The following C2CD3 variants were observed in gnomAD, a reference collection of about 807,000 sequenced individuals.
The protein encoded by C2CD3 is C2 domain-containing protein 3.
Under a neutral mutation model 234.0 loss-of-function variants are expected in C2CD3, and 148 were observed. That is an observed-to-expected ratio of 0.63 (90% CI 0.55 to 0.72). The LOEUF (loss-of-function observed/expected upper bound fraction) is 0.72, where lower values mean the gene tolerates loss of function less well. C2CD3 is among the 30% of genes least tolerant of loss of function. The pLI, the probability that C2CD3 is intolerant of heterozygous loss-of-function variation, is 0.00. For missense variants in C2CD3, 2,577 were observed against 2,811.5 expected, an observed-to-expected ratio of 0.92 and a Z score of 1.89; for synonymous variants, 1,000 against 1,035.4, an observed-to-expected ratio of 0.97 and a Z score of 0.66.
At chr11:74,122,588 A>C (rs1284804066) in intron 8 of C2CD3, among the ~76,000 whole-genome samples, 2 of 152,220 alleles carry the variant, frequency 1.3e-5, no homozygotes, top group Non-Finnish European at 2.9e-5. Context: ...TACAGGCCAG[A>C]AGAGTTTTGT....
At chr11:74,032,665 A>C (rs1952570531) in intron 31 of C2CD3, among the ~76,000 whole-genome samples, 2 of 152,002 alleles carry the variant, frequency 1.3e-5, no homozygotes, top group Admixed American at 6.6e-5. Context: ...TGAGGCCAGG[A>C]GTTTGAGACC....
chr11:74,078,078 C>T, intron 23 of C2CD3, 37 bp downstream of exon 23: 1 of 1,585,512 alleles, frequency 6.3e-7, no homozygotes, highest in Non-Finnish European at 8.6e-7. Context: ...AGAGCAGGTG[C>T]TCAAACTACA....
intron 32 of C2CD3, 103 bp downstream of exon 32, chr11:74,028,184 G>T: frequency 1.2e-6 from 1 of 815,692 alleles, no homozygotes; most frequent in Non-Finnish European, 1.9e-6. Context: ...CCCTGCTGCA[G>T]CCTTTCCAGG....
intron 11 of C2CD3, among the ~76,000 whole-genome samples, chr11:74,111,426 C>T (rs747466352): frequency 2.6e-5 from 4 of 151,976 alleles, no homozygotes; most frequent in African/African-American, 9.7e-5. Flanking sequence ...ATTTCAAGCA[C>T]AAAATTATTA....
intron 21 of C2CD3, 135 bp downstream of exon 21, chr11:74,085,483 A>C: frequency 1.2e-6 from 1 of 851,788 alleles, no homozygotes; most frequent in South Asian, 1.8e-5. Context: ...TTTTTGCTAT[A>C]TCTTTCAGAA....
chr11:74,076,660 T>C (rs1363522626), intron 23 of C2CD3, among the ~76,000 whole-genome samples: 1 of 152,214 alleles, frequency 6.6e-6, no homozygotes, highest in Non-Finnish European at 1.5e-5. Flanking sequence ...TCCCAATCTA[T>C]GTATCCTAAC....
In C2CD3 at chr11:74,170,796, G is replaced by A. The variant is rs1046425643; in HGVS notation, c.-4C>T. ...CTTGGCCTTTTCGTTGTTTCATGAT[G>A]AGCCCGAGCTCTTCTTCACCAGCTC... is the stretch of plus-strand genomic sequence containing the variant. On this transcript the variant is annotated 5_prime_UTR_variant, in exon 1 of 33. Transcript: ENST00000334126. The A allele has an allele frequency of 9.9e-6, 16 of 1,614,128 alleles. No individual in the cohort carries two copies. The highest frequency in any genetic ancestry group is 1.4e-5 in the Non-Finnish European group (16 of 1,180,012).
intron 7 of C2CD3, chr11:74,128,865 A>AT (rs1466402657): frequency 3.8e-6 from 1 of 263,484 alleles, no homozygotes; most frequent in African/African-American, 2.3e-5. Context: ...GTTGGGGATA[A>AT]GGTCATAGAT....
At chr11:74,093,667 A>G in intron 18 of C2CD3, 149 bp downstream of exon 18, 1 of 551,632 alleles carries the variant, frequency 1.8e-6, no homozygotes, top group Non-Finnish European at 3.1e-6. Context: ...ACTGGACAAG[A>G]GTCACTGTCA....
At chr11:74,161,874 G>A (rs922504148) in intron 2 of C2CD3, among the ~76,000 whole-genome samples, 2 of 145,412 alleles carry the variant, frequency 1.4e-5, no homozygotes, top group Non-Finnish European at 3.0e-5. Context: ...GGAGTGCACT[G>A]GCACAATCAT....
chr11:74,081,765 A>G (rs1955381998), intron 22 of C2CD3, among the ~76,000 whole-genome samples: 1 of 152,210 alleles, frequency 6.6e-6, no homozygotes, highest in Non-Finnish European at 1.5e-5. Context: ...GAGTTCACTC[A>G]TGATTTGGCT....
intron 22 of C2CD3, among the ~76,000 whole-genome samples, chr11:74,080,586 T>A (rs189669216): frequency 1.3e-5 from 2 of 152,176 alleles, no homozygotes; most frequent in African/African-American, 4.8e-5. Flanking sequence ...GATTCTATAA[T>A]TGAGGTTATA....
chr11:74,106,430 A>G lies in C2CD3; in HGVS notation c.2026T>C (p.Phe676Leu). ...RAVIQSELLSFSDQLPVQQEN... is the reference protein window; with the variant it reads ...RAVIQSELLSLSDQLPVQQEN... ...TGTTGCACTGGAAGCTGATCACTGA[A>G]AGAAAGCAGCTCTGATTGAATGACA... The change falls in exon 13 of 33, where the codon TTC (phenylalanine) becomes CTC (leucine). Residue 676 changes from phenylalanine (F) to leucine (L), a missense_variant. By Grantham distance (22) the Phe-to-Leu change is conservative (BLOSUM62 0). Coordinates refer to ENST00000334126, the MANE Select transcript of C2CD3 (RefSeq NM_001286577.2). The G allele has an allele frequency of 1.2e-6, 2 of 1,613,936 alleles. No homozygotes were observed. The highest frequency in any genetic ancestry group is 1.7e-6 in the Non-Finnish European group (2 of 1,179,798).
rs575507737 is a variant in C2CD3 at position 74,143,438 on chromosome 11, G to A, written c.484-3610C>T. 7.3e-5 allele frequency among the ~76,000 whole-genome samples: 11 copies of A among 151,322 alleles called. No homozygotes were observed. In the East Asian group the frequency reaches 1.7e-3, roughly 24 times the overall value. ...TGTGATCATAACTCACTGTAACCTT[G>A]AACTCCTGGGCTCAAGTGATCCTCC... is the stretch of plus-strand genomic sequence containing the variant. On this transcript the variant is annotated intron_variant, in intron 3 of 32. Transcript: ENST00000334126.
intron 32 of C2CD3, chr11:74,016,891 A>T (rs2135398306): frequency 6.6e-6 from 1 of 152,534 alleles, no homozygotes; most frequent in South Asian, 2.1e-4. Flanking sequence ...ACATGGAAGC[A>T]GGATCGTCGT....
At position 74,138,829 on chromosome 11, in the gene C2CD3, G is replaced by T. The variant is rs2135543658; in HGVS notation, c.846C>A (p.Ser282=). 7 of 1,613,880 alleles carry T rather than the reference G, an allele frequency of 4.3e-6. No individual in the cohort carries two copies. In the East Asian group the frequency reaches 1.6e-4, roughly 36 times the overall value. Residue 282 remains serine, a synonymous_variant, in exon 5 of 33, where the codon TCC becomes TCA. Coordinates refer to ENST00000334126, the MANE Select transcript of C2CD3 (RefSeq NM_001286577.2). ...GCTGGAATTCAGAACTGTTCAGAAGGGACATCTGCTTCCGTGGAGCTCTGC... is the reference window on the plus strand; with the variant it reads ...GCTGGAATTCAGAACTGTTCAGAAGTGACATCTGCTTCCGTGGAGCTCTGC... The part of the protein sequence containing the change: ...LKGRAPRKQM[S]LLNSSEFQPQ...
Position 74,103,328 on chromosome 11 carries a change from T to G in C2CD3, c.2383A>C (p.Asn795His). The G allele has an allele frequency of 6.2e-7, 1 of 1,614,208 alleles. No homozygotes were observed. Among genetic ancestry groups the G allele is most frequent in the East Asian group, 2.2e-5 (1 of 44,886 alleles). The stretch of plus-strand genomic sequence containing the variant: ...AAAGCACTCTCTTTTGTTGTCCCAT[T>G]TGTCTGATTGACTAAATTATGGGAG... ...PASHNLVNQT[N>H]GTTKESALLL... The change falls in exon 14 of 33, where the codon AAT becomes CAT. Residue 795 changes from asparagine (N) to histidine (H), a missense_variant. Physicochemically the swap from Asn to His is moderately conservative, Grantham distance 68. Coordinates refer to ENST00000334126, the MANE Select transcript of C2CD3 (RefSeq NM_001286577.2).
chr11:74,039,611 T>TA (rs1952921487), intron 29 of C2CD3, among the ~76,000 whole-genome samples: 1 of 152,196 alleles, frequency 6.6e-6, no homozygotes, highest in Non-Finnish European at 1.5e-5. Context: ...ACTACTGTCC[T>TA]AGGGCAGTGG....
rs770797260 is a variant in C2CD3 at position 74,098,102 on chromosome 11, T to C, written c.2886A>G (p.Leu962=). 2.5e-6 allele frequency: 4 copies of C among 1,613,988 alleles called. No homozygotes were observed. Among genetic ancestry groups the C allele is most frequent in the Non-Finnish European group, 3.4e-6 (4 of 1,179,978 alleles). ...AMGSSNQIMA[L]QRLKNEEGTL... ...TTCCTTCTTCATTCTTTAATCTTTGTAGTGCCATTATTTGATTTGAAGAAC... is the reference window on the plus strand; with the variant it reads ...TTCCTTCTTCATTCTTTAATCTTTGCAGTGCCATTATTTGATTTGAAGAAC... The change falls in exon 16 of 33, where the codon CTA becomes CTG. Residue 962 remains leucine (L), a synonymous_variant. Coordinates refer to ENST00000334126, the MANE Select transcript of C2CD3 (RefSeq NM_001286577.2).
Sources: gnomAD v4.1 joint callset for allele counts (sites outside exome capture counted in the v4.1 genomes callset) on GRCh38, gnomAD v4.1.1 for gene constraint, MANE v1.5 for transcripts, NCBI Gene and HGNC (gene_info 2026-07-23, HGNC 2026-07-21) for gene names.